SERPINA12: variants seen among roughly 807,000 people sequenced by gnomAD.
SERPINA12 encodes serpin A12.
Under a neutral mutation model 25.9 loss-of-function variants are expected in SERPINA12, and 21 were observed. The ratio of observed to expected loss-of-function variants is 0.81; its 90% CI spans 0.58 to 1.17. The LOEUF (loss-of-function observed/expected upper bound fraction) is 1.17, where lower values mean the gene tolerates loss of function less well. Ranked by LOEUF, SERPINA12 falls within the 50% of genes most tolerant of loss-of-function variation. SERPINA12 has a pLI of 0.00. For missense variants in SERPINA12, 562 were observed against 508.3 expected (o/e 1.11, Z -1.02); for synonymous variants, 220 against 196.0 (o/e 1.12, Z -1.02).
intron 1 of SERPINA12, among the ~76,000 whole-genome samples, chr14:94,500,527 G>A (rs931306638): frequency 6.6e-6 from 1 of 152,110 alleles, no homozygotes; most frequent in South Asian, 2.1e-4. Flanking sequence ...GGGAATTTCT[G>A]CCCTGATCCT....
Position 94,487,290 on chromosome 14 carries a change from C to G in SERPINA12, c.*13G>C, listed in dbSNP as rs368065291. On this transcript the variant is annotated 3_prime_UTR_variant, in exon 5 of 5. Transcript: ENST00000677451. Reference sequence around the variant, plus strand: ...AGCCATGTTCGGGGTCTGTGGCAAGCAGGAATTCTCCTTTATTTTCCAATA... The same window carrying G: ...AGCCATGTTCGGGGTCTGTGGCAAGGAGGAATTCTCCTTTATTTTCCAATA... The G allele has an allele frequency of 9.5e-5, 152 of 1,606,316 alleles. No individual in the cohort carries two copies. Among genetic ancestry groups the G allele is most frequent in the Non-Finnish European group, 1.2e-4 (144 of 1,174,932 alleles).
chr14:94,509,925 AC>A, upstream of SERPINA12: 1 of 950,588 alleles, frequency 1.1e-6, no homozygotes, highest in South Asian at 4.9e-5. Context: ...GGGTGTGGGC[AC>A]CCTGGCACTG....
upstream of SERPINA12, among the ~76,000 whole-genome samples, chr14:94,511,143 G>T (rs778957261): frequency 4.0e-5 from 6 of 151,898 alleles, no homozygotes; most frequent in Non-Finnish European, 7.4e-5. Flanking sequence ...ATCGCAAACT[G>T]CAAAAAAGCC....
chr14:94,502,852 C>T (rs1371318621), intron 1 of SERPINA12, among the ~76,000 whole-genome samples: 1 of 152,216 alleles, frequency 6.6e-6, no homozygotes, highest in Non-Finnish European at 1.5e-5. Flanking sequence ...GCTGCATGCA[C>T]CAGACACCCC....
upstream of SERPINA12, among the ~76,000 whole-genome samples, chr14:94,513,785 C>T (rs768278673): frequency 6.6e-6 from 1 of 152,174 alleles, no homozygotes; most frequent in Non-Finnish European, 1.5e-5. Flanking sequence ...AACCTAAACA[C>T]CATACAACTG....
chr14:94,495,064 C>CTTTT lies in SERPINA12; in HGVS notation c.905+1305_905+1308dup, dbSNP rs71129685. On this transcript the variant is annotated intron_variant, in intron 3 of 4. Transcript: ENST00000677451. The stretch of plus-strand genomic sequence containing the variant: ...GCATTCGGAATCAGAATTTCCCTTT[C>CTTTT]TTTTTTTTTTTTTTTTTTTTTTGAG... Among the ~76,000 whole-genome samples the CTTTT allele has an allele frequency of 5.1e-3, 497 of 98,164 alleles. 12 individuals are homozygous for CTTTT. Among genetic ancestry groups the CTTTT allele is most frequent in the Non-Finnish European group, 5.0e-3 (246 of 48,726 alleles). 64.4% of individuals were successfully genotyped at this position (98,164 alleles called of 152,430 possible).
rs576931690 is a variant in SERPINA12 at position 94,489,083 on chromosome 14, C to T, written c.1053+537G>A. The stretch of plus-strand genomic sequence containing the variant: ...CTGTACTCCAGCCTGGGTGACAGTG[C>T]AAGACTCCTTCAAAAAACAAAATAA... On this transcript the variant is annotated intron_variant, in intron 4 of 4. Coordinates refer to ENST00000677451, the MANE Select transcript of SERPINA12 (RefSeq NM_001382267.1). Among the ~76,000 whole-genome samples the T allele has an allele frequency of 2.0e-4, 30 of 146,542 alleles. No individual in the cohort carries two copies. In the South Asian group the frequency reaches 6.2e-3, roughly 30 times the overall value.
In SERPINA12 at chr14:94,498,492, A is replaced by G. The variant is rs1354338973; in HGVS notation, c.-33-62T>C. 20 of 1,342,872 alleles carry G rather than the reference A, an allele frequency of 1.5e-5. No homozygotes were observed. In the East Asian group the frequency reaches 4.1e-4, roughly 28 times the overall value. The allele number at this position is 1,342,872 out of a possible 1,614,324, so 83.2% of individuals were successfully genotyped here. A position where few individuals can be genotyped will look rare whatever the true frequency, so the allele number is the denominator to read the frequency against. On this transcript the variant is annotated intron_variant, in intron 1 of 4. Coordinates refer to ENST00000677451, the MANE Select transcript of SERPINA12 (RefSeq NM_001382267.1). ...TTGCCTACATGTTACCCAGAGGAAGACCAGATGAAAGAAGAAATACAGTGA... is the reference window on the plus strand; with the variant it reads ...TTGCCTACATGTTACCCAGAGGAAGGCCAGATGAAAGAAGAAATACAGTGA...
At chr14:94,516,951 T>C (rs1220158828) in intron 1 of SERPINA12, among the ~76,000 whole-genome samples, 2 of 100,172 alleles carry the variant, frequency 2.0e-5, no homozygotes, top group African/African-American at 1.3e-4. Flanking sequence ...ACCGCAGCTA[T>C]TGCACACACA....
upstream of SERPINA12, chr14:94,509,860 C>A (rs1167416244): frequency 6.2e-6 from 3 of 485,046 alleles, no homozygotes; most frequent in Middle Eastern, 9.7e-4. Flanking sequence ...TCCCTGTGAT[C>A]ATCTTTGAGC....
chr14:94,516,699 T>A (rs1472840925), intron 1 of SERPINA12, among the ~76,000 whole-genome samples: 1 of 152,162 alleles, frequency 6.6e-6, no homozygotes, highest in Non-Finnish European at 1.5e-5. Context: ...CCCAACATCT[T>A]CCAAAGCTTA....
At chr14:94,492,715 T>C (rs1900229135) in intron 3 of SERPINA12, among the ~76,000 whole-genome samples, 1 of 152,202 alleles carries the variant, frequency 6.6e-6, no homozygotes, top group South Asian at 2.1e-4. Context: ...TAAGTGCAGC[T>C]GTGCTGACAG....
intron 1 of SERPINA12, among the ~76,000 whole-genome samples, chr14:94,504,995 TG>T (rs1334103722): frequency 6.6e-6 from 1 of 152,258 alleles, no homozygotes; most frequent in African/African-American, 2.4e-5. Flanking sequence ...CCACTGATGC[TG>T]GGATGGAAGA....
intron 1 of SERPINA12, among the ~76,000 whole-genome samples, chr14:94,508,129 A>G (rs893694486): frequency 1.3e-5 from 2 of 152,240 alleles, no homozygotes; most frequent in East Asian, 1.9e-4. Flanking sequence ...CCCAAATCCC[A>G]CTAGAACAAA....
chr14:94,499,832 T>C (rs934175831), intron 1 of SERPINA12, among the ~76,000 whole-genome samples: 1 of 152,200 alleles, frequency 6.6e-6, no homozygotes, highest in African/African-American at 2.4e-5. Context: ...GGCTGGCCTT[T>C]TGGATAGAAT....
chr14:94,491,292 A>G (rs1241545057), intron 3 of SERPINA12, among the ~76,000 whole-genome samples: 2 of 152,232 alleles, frequency 1.3e-5, no homozygotes, highest in African/African-American at 4.8e-5. Flanking sequence ...ATGGAAAAAA[A>G]TAAATAGATT....
chr14:94,495,757 C>G (rs1039320322), intron 3 of SERPINA12, among the ~76,000 whole-genome samples: 1 of 152,178 alleles, frequency 6.6e-6, no homozygotes, highest in Non-Finnish European at 1.5e-5. Context: ...CTATGTATGT[C>G]CACGCTGACA....
intron 1 of SERPINA12, among the ~76,000 whole-genome samples, chr14:94,508,346 T>C (rs1263083462): frequency 6.6e-6 from 1 of 151,888 alleles, no homozygotes; most frequent in Non-Finnish European, 1.5e-5. Flanking sequence ...TGAAAATCTT[T>C]CCACACAAAA....
At chr14:94,502,327 C>G (rs1025451512) in intron 1 of SERPINA12, among the ~76,000 whole-genome samples, 1 of 152,088 alleles carries the variant, frequency 6.6e-6, no homozygotes, top group African/African-American at 2.4e-5. Context: ...AGATGGGAAG[C>G]GTCCGCACAG....
Sources: allele counts gnomAD v4.1 joint callset (sites outside exome capture counted in the v4.1 genomes callset), GRCh38; gene constraint gnomAD v4.1.1; transcripts MANE v1.5; gene names NCBI Gene and HGNC (gene_info 2026-07-23, HGNC 2026-07-21).